CNTN5: variants seen among roughly 807,000 people sequenced by gnomAD.
The protein encoded by CNTN5 is contactin 5, also known as contactin-5.
A neutral mutation model predicts 129.1 loss-of-function variants in CNTN5; 77 were observed. That is an observed-to-expected ratio of 0.60 (90% confidence interval 0.50 to 0.72). The LOEUF (loss-of-function observed/expected upper bound fraction) is 0.72. CNTN5 is among the 30% of genes least tolerant of loss of function. The pLI, the probability that CNTN5 is intolerant of heterozygous loss-of-function variation, is 0.00. For missense variants in CNTN5, 1,478 were observed against 1,328.8 expected, an observed-to-expected ratio of 1.11 and a Z score of -1.75; for synonymous variants, 509 against 465.6, an observed-to-expected ratio of 1.09 and a Z score of -1.20.
chr11:99,278,734 C>T (rs1863561726), intron 1 of CNTN5, among the ~76,000 whole-genome samples: 1 of 151,732 alleles, frequency 6.6e-6, no homozygotes, highest in African/African-American at 2.4e-5. Context: ...GTAAATATCT[C>T]AGATGAAATT....
At chr11:100,210,363 A>G (rs1367414292) in intron 15 of CNTN5, among the ~76,000 whole-genome samples, 1 of 151,114 alleles carries the variant, frequency 6.6e-6, no homozygotes, top group Non-Finnish European at 1.5e-5. Flanking sequence ...AAAAAAAAAA[A>G]AAAAGTCCAG....
intron 1 of CNTN5, among the ~76,000 whole-genome samples, chr11:99,124,679 TTTG>T (rs1858529527): frequency 6.6e-6 from 1 of 151,346 alleles, no homozygotes; most frequent in Non-Finnish European, 1.5e-5. Context: ...AATCTAGGAG[TTTG>T]TTAATTGAAA....
chr11:99,051,347 A>G (rs1405714114), intron 1 of CNTN5, among the ~76,000 whole-genome samples: 3 of 151,954 alleles, frequency 2.0e-5, no homozygotes, highest in African/African-American at 7.2e-5. Context: ...ATGCCATCCA[A>G]AATTTTCTCC....
intron 3 of CNTN5, among the ~76,000 whole-genome samples, chr11:99,679,242 A>G (rs551463999): frequency 6.7e-6 from 1 of 149,718 alleles, no homozygotes; most frequent in Non-Finnish European, 1.5e-5. Context: ...GTAAGAATAT[A>G]TGTTCCTTAA....
chr11:99,096,382 A>C (rs959834966), intron 1 of CNTN5, among the ~76,000 whole-genome samples: 1 of 151,822 alleles, frequency 6.6e-6, no homozygotes, highest in African/African-American at 2.4e-5. Flanking sequence ...AAAATAGATG[A>C]GATTCATAAA....
At chr11:99,976,797 C>G (rs542330781) in intron 8 of CNTN5, among the ~76,000 whole-genome samples, 3 of 152,228 alleles carry the variant, frequency 2.0e-5, no homozygotes, top group Non-Finnish European at 4.4e-5. Context: ...CTAACATGCC[C>G]TGGAAACACT....
chr11:100,340,988 A>C, intron 22 of CNTN5, 105 bp from the exon 23 acceptor site: 1 of 846,900 alleles, frequency 1.2e-6, no homozygotes, highest in Non-Finnish European at 1.9e-6. Flanking sequence ...CTAGATTGCC[A>C]GCCAACTACT....
chr11:100,130,601 A>G (rs913894041), intron 13 of CNTN5, among the ~76,000 whole-genome samples: 1 of 152,074 alleles, frequency 6.6e-6, no homozygotes, highest in Admixed American at 6.6e-5. Context: ...TGTGAACTAC[A>G]GTAGTTCTAG....
intron 8 of CNTN5, among the ~76,000 whole-genome samples, chr11:99,996,041 C>G (rs1939422166): frequency 1.3e-5 from 2 of 152,142 alleles, no homozygotes; most frequent in South Asian, 4.1e-4. Flanking sequence ...CAAATTGAAG[C>G]TCATCAGCAT....
At chr11:100,267,905 A>G (rs982375095) in intron 17 of CNTN5, among the ~76,000 whole-genome samples, 3 of 152,202 alleles carry the variant, frequency 2.0e-5, no homozygotes, top group Non-Finnish European at 2.9e-5. Flanking sequence ...ATGGTGCTTC[A>G]ATGTGACAGA....
chr11:99,450,386 T>C (rs1944253747), intron 2 of CNTN5, among the ~76,000 whole-genome samples: 1 of 152,014 alleles, frequency 6.6e-6, no homozygotes, highest in African/African-American at 2.4e-5. Flanking sequence ...TTATGCCCAG[T>C]AATGTTCTAT....
intron 2 of CNTN5, among the ~76,000 whole-genome samples, chr11:99,378,460 T>C (rs1940322823): frequency 6.6e-6 from 1 of 152,110 alleles, no homozygotes; most frequent in Non-Finnish European, 1.5e-5. Flanking sequence ...ACATGCACTG[T>C]CTTGGCCAAT....
intron 13 of CNTN5, among the ~76,000 whole-genome samples, chr11:100,097,664 G>T (rs1297781811): frequency 1.3e-5 from 2 of 152,048 alleles, no homozygotes; most frequent in South Asian, 2.1e-4. Flanking sequence ...AATGAAAGAT[G>T]ATGTCTGGAT....
chr11:99,846,544 A>C (rs944702959), intron 6 of CNTN5, among the ~76,000 whole-genome samples: 4 of 152,028 alleles, frequency 2.6e-5, no homozygotes, highest in Non-Finnish European at 4.4e-5. Context: ...TTGAGGATAG[A>C]ATCTCTAAAA....
intron 13 of CNTN5, among the ~76,000 whole-genome samples, chr11:100,112,183 C>G (rs964792479): frequency 6.6e-6 from 1 of 152,118 alleles, no homozygotes. Context: ...GACTGCTTTA[C>G]CATGTTCTTG....
At position 99,845,250 on chromosome 11, in the gene CNTN5, C is replaced by A. The variant is rs200300394; in HGVS notation, c.565C>A (p.Leu189Met). ...GAGTATTCTTAGTAGAGAAGCTACA[C>A]TGCAGTTTGCCTGTGAGTAAAATAT... ...VGSILSREAT[L>M]QFAYLGNFSG... is the part of the protein sequence containing the mutation. Residue 189 changes from leucine to methionine, a missense_variant, in exon 6 of 25, where the codon CTG becomes ATG. Leu to Met is a conservative substitution (Grantham distance 15). Coordinates refer to ENST00000524871, the MANE Select transcript of CNTN5 (RefSeq NM_014361.4). 3.1e-6 allele frequency: 5 copies of A among 1,609,184 alleles called. No homozygotes were observed. The highest frequency in any genetic ancestry group is 4.2e-6 in the Non-Finnish European group (5 of 1,177,800).
chr11:99,785,541 A>G (rs965067150), intron 3 of CNTN5, among the ~76,000 whole-genome samples: 1 of 152,084 alleles, frequency 6.6e-6, no homozygotes, highest in South Asian at 2.1e-4. Context: ...CAGAGACCCA[A>G]CAAAGAAAAT....
At chr11:99,394,324 T>C (rs1192166300) in intron 2 of CNTN5, among the ~76,000 whole-genome samples, 1 of 151,654 alleles carries the variant, frequency 6.6e-6, no homozygotes, top group Non-Finnish European at 1.5e-5. Flanking sequence ...GATTTTATTA[T>C]AAAGATTTAA....
intron 13 of CNTN5, among the ~76,000 whole-genome samples, chr11:100,157,361 AT>A (rs1160469506): frequency 6.6e-6 from 1 of 151,950 alleles, no homozygotes; most frequent in African/African-American, 2.4e-5. Context: ...TTAAGCAGAT[AT>A]TTAATATAGA....
Sources: allele counts gnomAD v4.1 joint callset (sites outside exome capture counted in the v4.1 genomes callset), GRCh38; gene constraint gnomAD v4.1.1; transcripts MANE v1.5; gene names NCBI Gene and HGNC (gene_info 2026-07-23, HGNC 2026-07-21).